The following NBR1 variants were observed in gnomAD, a reference collection of about 807,000 sequenced individuals.
NBR1 encodes the protein next to BRCA1 gene 1 protein.
A neutral mutation model predicts 115.5 loss-of-function variants in NBR1; 59 were observed. That is an observed-to-expected ratio of 0.51 (90% CI 0.41 to 0.63). The LOEUF is 0.63. Among genes scored for constraint, NBR1 ranks in the 30% least tolerant of loss-of-function variants. NBR1 has a pLI of 0.00. For synonymous variants in NBR1, 373 were observed against 414.7 expected (o/e 0.90, Z 1.22); for missense variants, 1,043 against 1,150.5 (o/e 0.91, Z 1.35).
At chr17:43,172,739 G>A (rs527991821) in intron 1 of NBR1, among the ~76,000 whole-genome samples, 6 of 152,194 alleles carry the variant, frequency 3.9e-5, no homozygotes, top group Non-Finnish European at 7.3e-5. Context: ...GCCTTTAAAT[G>A]ACAGTCTTAA....
chr17:43,187,347 AT>A (rs923166394), intron 6 of NBR1, among the ~76,000 whole-genome samples: 2 of 151,282 alleles, frequency 1.3e-5, no homozygotes, highest in African/African-American at 4.9e-5. Context: ...CGCCCAGCTA[AT>A]TTTTTTTATT....
intron 6 of NBR1, among the ~76,000 whole-genome samples, chr17:43,188,197 C>T (rs1162186975): frequency 6.6e-6 from 1 of 152,136 alleles, no homozygotes; most frequent in Non-Finnish European, 1.5e-5. Context: ...GCCTGATTTG[C>T]ATTTCTCTAA....
chr17:43,194,147 G>A (rs1010972916), intron 12 of NBR1, among the ~76,000 whole-genome samples: 16 of 152,158 alleles, frequency 1.1e-4, no homozygotes, highest in African/African-American at 3.9e-4. Flanking sequence ...GTTAATATAA[G>A]TTATCGTCAT....
intron 5 of NBR1, among the ~76,000 whole-genome samples, chr17:43,183,113 G>A (rs532789441): frequency 6.6e-6 from 1 of 151,078 alleles, no homozygotes; most frequent in South Asian, 2.1e-4. Context: ...GGCTAGTCTT[G>A]AACTTCTAGG....
intron 4 of NBR1, among the ~76,000 whole-genome samples, chr17:43,179,617 T>C (rs1376215214): frequency 1.3e-5 from 2 of 152,228 alleles, no homozygotes; most frequent in African/African-American, 4.8e-5. Context: ...AGGACAGCTT[T>C]AATGGGAGGT....
intron 1 of NBR1, among the ~76,000 whole-genome samples, chr17:43,175,505 C>G (rs1436177198): frequency 6.6e-6 from 1 of 152,312 alleles, no homozygotes; most frequent in South Asian, 2.1e-4. Context: ...CCACATGTTT[C>G]CAACATGTGG....
At chr17:43,193,766 C>A (rs959369175) in intron 12 of NBR1, 128 bp downstream of exon 12, 24 of 951,188 alleles carry the variant, frequency 2.5e-5, no homozygotes, top group Non-Finnish European at 3.2e-5. Context: ...CATCTCCCCC[C>A]GCCCCAACAC....
At chr17:43,199,590 T>TG (rs1224876709) in intron 16 of NBR1, among the ~76,000 whole-genome samples, 1 of 151,768 alleles carries the variant, frequency 6.6e-6, no homozygotes, top group Non-Finnish European at 1.5e-5. Flanking sequence ...TTAGCCAGGA[T>TG]GGCCTTGATA....
intron 20 of NBR1, 195 bp from the exon 21 acceptor site, chr17:43,209,706 T>G: frequency 6.5e-7 from 1 of 1,533,694 alleles, no homozygotes; most frequent in Non-Finnish European, 8.7e-7. Flanking sequence ...ATAACTAATC[T>G]AAAATAGGGC....
Position 43,194,510 on chromosome 17 carries a change from C to A in NBR1, c.1674+11C>A, listed in dbSNP as rs757099035. The A allele has an allele frequency of 6.2e-7, 1 of 1,613,558 alleles. No individual in the cohort carries two copies. Among genetic ancestry groups the A allele is most frequent in the Non-Finnish European group, 8.5e-7 (1 of 1,179,694 alleles). Reference sequence around the variant, plus strand: ...CTTCTGACTGCCCAGGTGGAAGATTCAGCACTTTGAAGGGCAAGGGACAGA... The same window carrying A: ...CTTCTGACTGCCCAGGTGGAAGATTAAGCACTTTGAAGGGCAAGGGACAGA... On this transcript the variant is annotated intron_variant, in intron 13 of 20. Transcript: ENST00000590996.
At chr17:43,203,587 G>A (rs2057250170) in intron 19 of NBR1, 94 bp from the exon 20 acceptor site, 1 of 721,104 alleles carries the variant, frequency 1.4e-6, no homozygotes, top group Non-Finnish European at 2.3e-6. Flanking sequence ...TTTCTCTTAA[G>A]GAAATCTTAT....
chr17:43,203,841 T>G (rs2057257244), intron 20 of NBR1, 55 bp downstream of exon 20: 2 of 1,097,504 alleles, frequency 1.8e-6, no homozygotes, highest in South Asian at 2.9e-5. Context: ...CCAGTGAAAG[T>G]GATGGCATCT....
chr17:43,184,445 A>T (rs2056753585), intron 5 of NBR1, among the ~76,000 whole-genome samples: 1 of 139,500 alleles, frequency 7.2e-6, no homozygotes, highest in African/African-American at 2.6e-5. Context: ...AGCTCATTGC[A>T]ACCTCCGCCT....
chr17:43,192,243 G>A (rs989796253), intron 10 of NBR1, among the ~76,000 whole-genome samples: 1 of 151,384 alleles, frequency 6.6e-6, no homozygotes, highest in Non-Finnish European at 1.5e-5. Flanking sequence ...GGCTGGTCTC[G>A]AACTCCTGAC....
chr17:43,185,907 A>G (rs903064578), intron 5 of NBR1, among the ~76,000 whole-genome samples: 1 of 152,092 alleles, frequency 6.6e-6, no homozygotes, highest in Non-Finnish European at 1.5e-5. Context: ...AGGCTTAGGC[A>G]GGAGAATCGT....
In NBR1 at chr17:43,171,241, A is replaced by T. The variant is rs990520203; in HGVS notation, c.-71A>T. 6.6e-6 allele frequency: 1 copy of T among 152,626 alleles called. No homozygotes were observed. The highest frequency in any genetic ancestry group is 2.4e-5 in the African/African-American group (1 of 41,444). 9.5% of individuals were successfully genotyped at this position (152,626 alleles called of 1,614,324 possible). Reference sequence around the variant, plus strand: ...ATTCACCCCACAGGGATAGCGGCAGAGCCGGTAGCGGACGGTCCTTGCATT... The same window carrying T: ...ATTCACCCCACAGGGATAGCGGCAGTGCCGGTAGCGGACGGTCCTTGCATT... On this transcript the variant is annotated 5_prime_UTR_variant, in exon 1 of 21. Transcript: ENST00000590996.
At chr17:43,209,623 G>A in intron 20 of NBR1, 2 of 1,535,532 alleles carry the variant, frequency 1.3e-6, no homozygotes, top group African/African-American at 1.4e-5. Flanking sequence ...AGCCCCGAGT[G>A]AAGCATTCTC....
intron 5 of NBR1, among the ~76,000 whole-genome samples, chr17:43,182,460 A>G (rs904543936): frequency 6.6e-6 from 1 of 151,224 alleles, no homozygotes; most frequent in African/African-American, 2.4e-5. Flanking sequence ...TACCCAAGTG[A>G]TTCGCCTGCC....
intron 5 of NBR1, among the ~76,000 whole-genome samples, chr17:43,181,591 C>T (rs549902342): frequency 1.5e-4 from 23 of 151,980 alleles, no homozygotes; most frequent in East Asian, 3.9e-4. Flanking sequence ...GCGTGAACCC[C>T]GGAGGCGGAG....
Sources: allele counts gnomAD v4.1 joint callset (sites outside exome capture counted in the v4.1 genomes callset), GRCh38; gene constraint gnomAD v4.1.1; transcripts MANE v1.5; gene names NCBI Gene and HGNC (gene_info 2026-07-23, HGNC 2026-07-21).